The following GPC3 variants were observed in gnomAD, a reference collection of about 807,000 sequenced individuals.
GPC3 encodes the protein glypican-3.
Under a neutral mutation model 34.4 loss-of-function variants are expected in GPC3, and 3 were observed. The ratio of observed to expected loss-of-function variants is 0.09; its 90% CI spans 0.04 to 0.23. The LOEUF is 0.23. Ranked by LOEUF, GPC3 falls within the 10% of genes least tolerant of loss-of-function variation. The probability of loss-of-function intolerance (pLI) is 1.00; values close to 1 mark genes in which losing one functional copy is unlikely to be tolerated. For synonymous variants in GPC3, 177 were observed against 174.0 expected (o/e 1.02, Z -0.13); for missense variants, 351 against 445.6 (o/e 0.79, Z 1.91).
At chrX:133,606,796 C>G (rs2124342945) in intron 6 of GPC3, among the ~76,000 whole-genome samples, 1 of 111,706 alleles carries the variant, frequency 9.0e-6, no homozygotes, top group African/African-American at 3.2e-5. Context: ...GTATCCATCT[C>G]CCACATTGTG....
At chrX:133,584,087 C>T (rs1212246113) in intron 7 of GPC3, among the ~76,000 whole-genome samples, 1 of 112,096 alleles carries the variant, frequency 8.9e-6, no homozygotes, top group East Asian at 2.8e-4. Flanking sequence ...TCTCAGATCT[C>T]TTTGCTCACA....
chrX:133,676,412 G>A (rs1239083299), intron 5 of GPC3, among the ~76,000 whole-genome samples: 1 of 112,456 alleles, frequency 8.9e-6, no homozygotes, highest in African/African-American at 3.2e-5. Flanking sequence ...ACCTTTGCCA[G>A]TGTCCATATG....
intron 2 of GPC3, among the ~76,000 whole-genome samples, chrX:133,896,406 T>C (rs1418662797): frequency 9.1e-6 from 1 of 110,303 alleles, no homozygotes; most frequent in African/African-American, 3.3e-5. Context: ...ACATCCATTG[T>C]AGGTGGCAGA....
chrX:133,890,917 C>T (rs1369416487), intron 2 of GPC3, among the ~76,000 whole-genome samples: 1 of 108,096 alleles, frequency 9.3e-6, no homozygotes, highest in African/African-American at 3.4e-5. Flanking sequence ...TAATTCCAGC[C>T]ACTTGGGAGG....
intron 3 of GPC3, among the ~76,000 whole-genome samples, chrX:133,712,651 G>A (rs914769336): frequency 5.5e-5 from 6 of 109,894 alleles, no homozygotes; most frequent in East Asian, 2.9e-4. Context: ...AGGCTGAGGC[G>A]GGCGGATCAC....
At chrX:133,787,590 G>A (rs2072115192) in intron 2 of GPC3, among the ~76,000 whole-genome samples, 1 of 111,606 alleles carries the variant, frequency 9.0e-6, no homozygotes, top group Non-Finnish European at 1.9e-5. Flanking sequence ...GGTCCCCCAG[G>A]GGCCCCAGGC....
chrX:133,806,812 C>G (rs1030822462), intron 2 of GPC3, among the ~76,000 whole-genome samples: 39 of 109,417 alleles, frequency 3.6e-4, no homozygotes, highest in South Asian at 4.0e-4. Flanking sequence ...CCACGCCCGG[C>G]TAATTTTTTG....
At chrX:133,661,573 TCTCTC>T (rs1569408586) in intron 6 of GPC3, among the ~76,000 whole-genome samples, 152 bp downstream of exon 6, 36 of 5,151 alleles carry the variant, frequency 7.0e-3, no homozygotes, top group African/African-American at 0.02. Context: ...TCTCTTTCTC[TCTCTC>T]TCTCTCTCTC....
chrX:133,830,452 G>A (rs2075769506), intron 2 of GPC3, among the ~76,000 whole-genome samples: 1 of 111,145 alleles, frequency 9.0e-6, no homozygotes, highest in African/African-American at 3.3e-5. Flanking sequence ...GCTGAGGCGG[G>A]CAGACCACCT....
intron 6 of GPC3, among the ~76,000 whole-genome samples, chrX:133,631,792 G>T (rs923320458): frequency 9.2e-6 from 1 of 108,734 alleles, no homozygotes. Context: ...TTCTGTTGTT[G>T]TTTTTTTTTA....
chrX:133,678,639 T>C (rs1156596108), intron 5 of GPC3, among the ~76,000 whole-genome samples: 1 of 111,828 alleles, frequency 8.9e-6, no homozygotes, highest in Non-Finnish European at 1.9e-5. Context: ...GTATTTGCTG[T>C]TCGAGATTAC....
At chrX:133,907,273 G>A (rs1293730213) in intron 2 of GPC3, among the ~76,000 whole-genome samples, 1 of 111,180 alleles carries the variant, frequency 9.0e-6, no homozygotes, top group Non-Finnish European at 1.9e-5. Context: ...GTTTGGGTTT[G>A]TTTTTTCCTC....
chrX:133,803,636 G>T (rs988484748), intron 2 of GPC3, among the ~76,000 whole-genome samples: 1 of 112,019 alleles, frequency 8.9e-6, no homozygotes, highest in Admixed American at 9.5e-5. Flanking sequence ...CAGGAAGACC[G>T]GAGTGATCTG....
chrX:133,933,781 G>A (rs2076309118), intron 2 of GPC3, among the ~76,000 whole-genome samples: 1 of 109,980 alleles, frequency 9.1e-6, no homozygotes, highest in Non-Finnish European at 1.9e-5. Flanking sequence ...GCTTCCTGAG[G>A]CCTCCCCAGA....
chrX:133,588,446 A>G (rs1052382086), intron 7 of GPC3, among the ~76,000 whole-genome samples: 2 of 111,398 alleles, frequency 1.8e-5, no homozygotes, highest in Admixed American at 9.6e-5. Context: ...CTTTCTACTC[A>G]CTTTTCAGCA....
intron 2 of GPC3, among the ~76,000 whole-genome samples, chrX:133,867,038 A>G (rs2075971248): frequency 1.8e-5 from 2 of 110,081 alleles, no homozygotes; most frequent in South Asian, 8.0e-4. Flanking sequence ...TCTCTATTAA[A>G]AATACAAAAA....
intron 3 of GPC3, among the ~76,000 whole-genome samples, chrX:133,714,972 T>C (rs1161838065): frequency 8.9e-6 from 1 of 111,842 alleles, no homozygotes; most frequent in Non-Finnish European, 1.9e-5. Flanking sequence ...ATACTGAATG[T>C]CAACTTGATT....
chrX:133,955,643 G>C (rs2076413381), intron 1 of GPC3, among the ~76,000 whole-genome samples: 1 of 110,886 alleles, frequency 9.0e-6, no homozygotes, highest in African/African-American at 3.3e-5. Flanking sequence ...CGTCTAAAGG[G>C]ACTAGCAGAG....
intron 6 of GPC3, among the ~76,000 whole-genome samples, chrX:133,604,733 TG>T (rs779649667): frequency 1.8e-5 from 2 of 112,141 alleles, no homozygotes; most frequent in East Asian, 5.6e-4. Context: ...ACATACTTTC[TG>T]TAGGCATTTT....
Sources: gnomAD v4.1 joint callset for allele counts (sites outside exome capture counted in the v4.1 genomes callset) on GRCh38, gnomAD v4.1.1 for gene constraint, MANE v1.5 for transcripts, NCBI Gene and HGNC (gene_info 2026-07-23, HGNC 2026-07-21) for gene names.